Variants in PKN2 observed in about 807,000 individuals in gnomAD.
PKN2 encodes serine/threonine-protein kinase N2.
PKN2 carries 38 observed loss-of-function variants against 119.1 expected under a neutral mutation model. The observed-to-expected ratio is 0.32, with a 90% confidence interval of 0.25 to 0.42. The LOEUF (loss-of-function observed/expected upper bound fraction) is 0.42. Ranked by LOEUF, PKN2 falls within the 10% of genes least tolerant of loss-of-function variation. PKN2 has a pLI of 1.00. For missense variants in PKN2, 850 were observed against 1,165.1 expected (o/e 0.73, Z 3.94); for synonymous variants, 390 against 384.9 (o/e 1.01, Z -0.15).
chr1:88,704,799 AAG>A (rs1553146575), intron 1 of PKN2, among the ~76,000 whole-genome samples: 9 of 151,462 alleles, frequency 5.9e-5, no homozygotes, highest in Admixed American at 2.0e-4. Flanking sequence ...AAAAAAAAAA[AAG>A]AGTTCCAGTT....
rs1672414838 is a variant in PKN2 at position 88,824,362 on chromosome 1, G to C, written c.2395G>C (p.Ala799Pro). 6.3e-7 allele frequency: 1 copy of C among 1,594,788 alleles called. No individual in the cohort carries two copies. Among genetic ancestry groups the C allele is most frequent in the African/African-American group, 1.3e-5 (1 of 74,366 alleles). ...LLDTEGFVKI[A>P]DFGLCKEGMG... ...AGATACAGAGGGCTTTGTGAAAATT[G>C]CTGATTTTGGTCTTTGCAAAGAAGG... Residue 799 changes from alanine to proline, a missense_variant, in exon 18 of 22, where the codon GCT (alanine) becomes CCT (proline). Physicochemically the swap from Ala to Pro is conservative, Grantham distance 27 (BLOSUM62 -1). Transcript: ENST00000370521.
chr1:88,833,224 AT>A lies in PKN2; in HGVS notation c.2752-15del. On this transcript the variant is annotated intron_variant, in intron 21 of 21. Transcript: ENST00000370521. ...TTAGATTTAACAAACTAAACTAGTC[AT>A]TTTTTATTTTATGATCCAGCTAATT... The A allele has an allele frequency of 6.2e-7, 1 of 1,611,528 alleles. No individual in the cohort carries two copies. Among genetic ancestry groups the A allele is most frequent in the Admixed American group, 1.7e-5 (1 of 59,654 alleles).
At chr1:88,819,392 A>T (rs1390047217) in intron 16 of PKN2, among the ~76,000 whole-genome samples, 1 of 152,066 alleles carries the variant, frequency 6.6e-6, no homozygotes, top group African/African-American at 2.4e-5. Flanking sequence ...CAAGACATTT[A>T]TCCAAAAAAC....
intron 1 of PKN2, among the ~76,000 whole-genome samples, chr1:88,726,192 G>A (rs1667891052): frequency 6.6e-6 from 1 of 152,096 alleles, no homozygotes; most frequent in African/African-American, 2.4e-5. Context: ...ACTTACTGTA[G>A]TGGATAGAAT....
intron 16 of PKN2, among the ~76,000 whole-genome samples, chr1:88,820,203 T>TAC (rs1672200130): frequency 1.2e-5 from 1 of 80,450 alleles, no homozygotes. Flanking sequence ...TATATATATA[T>TAC]ATATATATAT....
At chr1:88,782,755 T>G (rs1018430665) in intron 6 of PKN2, among the ~76,000 whole-genome samples, 1 of 152,222 alleles carries the variant, frequency 6.6e-6, no homozygotes, top group Admixed American at 6.5e-5. Flanking sequence ...CTTCTAACCC[T>G]AACATTTATG....
chr1:88,734,479 G>A (rs143840490), intron 1 of PKN2, among the ~76,000 whole-genome samples: 44 of 152,106 alleles, frequency 2.9e-4, no homozygotes, highest in African/African-American at 1.0e-3. Flanking sequence ...AGTGTACTTG[G>A]CCCCTTTGTC....
chr1:88,822,643 A>G (rs772476005), intron 17 of PKN2, among the ~76,000 whole-genome samples: 1 of 151,278 alleles, frequency 6.6e-6, no homozygotes, highest in Non-Finnish European at 1.5e-5. Context: ...GCAATGCACA[A>G]TCTCGGCTCA....
chr1:88,833,035 C>G (rs777799637), intron 20 of PKN2, 42 bp from the exon 21 acceptor site: 1 of 1,504,972 alleles, frequency 6.6e-7, no homozygotes, highest in South Asian at 1.2e-5. Flanking sequence ...GAATTTTATT[C>G]TATTGGTTTT....
At chr1:88,719,623 T>C (rs1179042583) in intron 1 of PKN2, among the ~76,000 whole-genome samples, 6 of 152,220 alleles carry the variant, frequency 3.9e-5, no homozygotes, top group African/African-American at 4.8e-5. Flanking sequence ...GAAATAGATA[T>C]GCTACTGTGT....
intron 6 of PKN2, among the ~76,000 whole-genome samples, chr1:88,781,348 TA>T (rs925914731): frequency 2.3e-4 from 35 of 151,908 alleles, no homozygotes; most frequent in African/African-American, 8.2e-4. Context: ...ACTAGTTTTT[TA>T]TAAGAGGATA....
intron 8 of PKN2, among the ~76,000 whole-genome samples, chr1:88,793,065 A>G (rs890043487): frequency 1.3e-5 from 2 of 152,174 alleles, no homozygotes; most frequent in African/African-American, 4.8e-5. Flanking sequence ...TGAGCTCACC[A>G]TAAGAGCATT....
intron 1 of PKN2, among the ~76,000 whole-genome samples, chr1:88,687,913 C>T (rs1472291951): frequency 6.6e-6 from 1 of 152,152 alleles, no homozygotes; most frequent in Non-Finnish European, 1.5e-5. Flanking sequence ...ATATATCAGA[C>T]ATTGTACTTA....
At chr1:88,708,450 A>G (rs1055292024) in intron 1 of PKN2, among the ~76,000 whole-genome samples, 9 of 152,176 alleles carry the variant, frequency 5.9e-5, no homozygotes, top group African/African-American at 2.2e-4. Context: ...TTGTTTTGGA[A>G]TATATGACTT....
chr1:88,778,078 C>T (rs1474657824), intron 6 of PKN2, among the ~76,000 whole-genome samples: 2 of 152,158 alleles, frequency 1.3e-5, no homozygotes, highest in Non-Finnish European at 2.9e-5. Context: ...ATCCCTACTT[C>T]GAGTTGTCCA....
chr1:88,816,815 C>T (rs968668793), intron 16 of PKN2: 1 of 152,108 alleles, frequency 6.6e-6, no homozygotes, highest in Non-Finnish European at 1.5e-5. Context: ...AAAATTGGAA[C>T]CTTATAGAGA....
rs1024154210 is a variant in PKN2, at chr1:88,760,437, T to C, written c.504+61T>C. The C allele has an allele frequency of 7.8e-5, 72 of 921,190 alleles. 1 individual carries two copies. In the South Asian group the frequency reaches 1.2e-3, roughly 16 times the overall value. 57.1% of individuals were successfully genotyped at this position (921,190 alleles called of 1,614,324 possible). On this transcript the variant is annotated intron_variant, in intron 3 of 21. Transcript: ENST00000370521. ...TCATTATTTGCAGATTCCATAGTTA[T>C]AAATTTACCTATTCAATAAAATTTA...
chr1:88,775,902 G>A (rs1383394716), intron 6 of PKN2, among the ~76,000 whole-genome samples: 1 of 151,884 alleles, frequency 6.6e-6, no homozygotes, highest in Non-Finnish European at 1.5e-5. Flanking sequence ...TCAGAAGATC[G>A]AGACCATCCT....
At chr1:88,691,735 T>C (rs1371561443) in intron 1 of PKN2, among the ~76,000 whole-genome samples, 1 of 152,188 alleles carries the variant, frequency 6.6e-6, no homozygotes, top group Non-Finnish European at 1.5e-5. Flanking sequence ...AGTCCCTCCT[T>C]ATCCACGGTT....
Sources: allele counts gnomAD v4.1 joint callset (sites outside exome capture counted in the v4.1 genomes callset), GRCh38; gene constraint gnomAD v4.1.1; transcripts MANE v1.5; gene names NCBI Gene and HGNC (gene_info 2026-07-23, HGNC 2026-07-21).